CNTNAP5: variants seen among roughly 807,000 people sequenced by gnomAD.
CNTNAP5 encodes the protein contactin-associated protein-like 5.
In CNTNAP5, 72 loss-of-function variants were observed where a neutral mutation model predicts 150.2. The ratio of observed to expected loss-of-function variants is 0.48; its 90% confidence interval spans 0.40 to 0.58. The LOEUF (loss-of-function observed/expected upper bound fraction) is 0.58, where lower values mean the gene tolerates loss of function less well. Ranked by LOEUF, CNTNAP5 falls within the 20% of genes least tolerant of loss-of-function variation. The pLI, the probability that CNTNAP5 is intolerant of heterozygous loss-of-function variation, is 0.00. For missense variants in CNTNAP5, 1,636 were observed against 1,626.2 expected, an observed-to-expected ratio of 1.01 and a Z score of -0.10; for synonymous variants, 672 against 619.8, an observed-to-expected ratio of 1.08 and a Z score of -1.25.
chr2:124,806,243 TAGG>T (rs1272816237), intron 19 of CNTNAP5, among the ~76,000 whole-genome samples: 2 of 152,144 alleles, frequency 1.3e-5, no homozygotes, highest in Admixed American at 6.5e-5. Flanking sequence ...TTGAATCTAG[TAGG>T]AGGAGAAGTT....
chr2:124,393,505 G>C (rs1360620296), intron 3 of CNTNAP5, among the ~76,000 whole-genome samples: 1 of 152,164 alleles, frequency 6.6e-6, no homozygotes, highest in East Asian at 1.9e-4. Context: ...CACACAGAAA[G>C]CTTTATACTG....
intron 8 of CNTNAP5, among the ~76,000 whole-genome samples, chr2:124,523,679 T>C (rs1266553613): frequency 6.6e-6 from 1 of 152,134 alleles, no homozygotes; most frequent in African/African-American, 2.4e-5. Context: ...GGAATAGGAA[T>C]CATAATATTT....
Position 124,798,195 on chromosome 2 carries a change from A to T in CNTNAP5, c.3092A>T (p.Tyr1031Phe), listed in dbSNP as rs1463512974. The T allele has an allele frequency of 1.2e-6, 2 of 1,613,678 alleles. No individual in the cohort carries two copies. Among genetic ancestry groups the T allele is most frequent in the African/African-American group, 2.7e-5 (2 of 74,920 alleles). The change falls in exon 19 of 24, where the codon TAC (tyrosine) becomes TTC (phenylalanine). Residue 1031 changes from tyrosine to phenylalanine, a missense_variant. Transcript: ENST00000682447. ...KNISLSSSAI[Y>F]TDSAPSKENI... ...ATAAGCCTCTCATCCTCAGCTATTT[A>T]CACAGATTCAGCTCCATCCAAGGAA... is the stretch of plus-strand genomic sequence containing the variant.
At chr2:124,836,793 G>C (rs562162726) in intron 19 of CNTNAP5, among the ~76,000 whole-genome samples, 7 of 152,034 alleles carry the variant, frequency 4.6e-5, no homozygotes. Context: ...CTCTTGCCCA[G>C]AGAGGTCATA....
At chr2:124,607,436 C>T (rs1558702315) in intron 11 of CNTNAP5, among the ~76,000 whole-genome samples, 1 of 152,128 alleles carries the variant, frequency 6.6e-6, no homozygotes, top group Admixed American at 6.5e-5. Context: ...AGATGGAAGT[C>T]ACTGTTGTTT....
chr2:124,656,860 C>T (rs182100587), intron 13 of CNTNAP5, among the ~76,000 whole-genome samples: 24 of 152,244 alleles, frequency 1.6e-4, no homozygotes, highest in South Asian at 4.1e-4. Flanking sequence ...TATTAAGATA[C>T]GGTACAGTGG....
intron 3 of CNTNAP5, among the ~76,000 whole-genome samples, chr2:124,275,573 A>T (rs1464377493): frequency 1.3e-5 from 2 of 152,092 alleles, no homozygotes; most frequent in East Asian, 3.9e-4. Context: ...TTGATGCCTC[A>T]TATTGACATC....
intron 13 of CNTNAP5, among the ~76,000 whole-genome samples, chr2:124,699,161 G>A (rs921527148): frequency 1.3e-5 from 2 of 152,162 alleles, no homozygotes; most frequent in African/African-American, 4.8e-5. Flanking sequence ...AAGCAGCTGT[G>A]CTTTCTGCCT....
chr2:124,484,257 T>G (rs1693820966), intron 7 of CNTNAP5, among the ~76,000 whole-genome samples: 1 of 152,234 alleles, frequency 6.6e-6, no homozygotes, highest in African/African-American at 2.4e-5. Context: ...ACAAACTTTA[T>G]TCTAGTCTAT....
chr2:124,200,279 T>G (rs1218525029), intron 1 of CNTNAP5, among the ~76,000 whole-genome samples: 1 of 152,232 alleles, frequency 6.6e-6, no homozygotes, highest in Non-Finnish European at 1.5e-5. Context: ...CGAAGCCATG[T>G]TTTTTCATAT....
chr2:124,262,236 C>T (rs1416937004), intron 3 of CNTNAP5, among the ~76,000 whole-genome samples: 1 of 151,940 alleles, frequency 6.6e-6, no homozygotes, highest in Non-Finnish European at 1.5e-5. Context: ...CAGACTGGGA[C>T]CCTGTCTCAA....
At chr2:124,345,369 A>G (rs1383753827) in intron 3 of CNTNAP5, among the ~76,000 whole-genome samples, 2 of 152,090 alleles carry the variant, frequency 1.3e-5, no homozygotes, top group East Asian at 3.9e-4. Flanking sequence ...ATTTTCCTCT[A>G]TTACTGTGAC....
At chr2:124,293,800 A>C (rs1283960739) in intron 3 of CNTNAP5, among the ~76,000 whole-genome samples, 1 of 152,058 alleles carries the variant, frequency 6.6e-6, no homozygotes, top group Non-Finnish European at 1.5e-5. Flanking sequence ...CGAGGACAGC[A>C]AACACAGAGA....
chr2:124,412,588 T>C (rs1691800887), intron 3 of CNTNAP5, among the ~76,000 whole-genome samples: 4 of 150,758 alleles, frequency 2.7e-5, no homozygotes, highest in Non-Finnish European at 4.4e-5. Context: ...TATCTACAAC[T>C]ATCTGATCTT....
chr2:124,855,109 A>G (rs1265575830), intron 19 of CNTNAP5, among the ~76,000 whole-genome samples: 1 of 151,330 alleles, frequency 6.6e-6, no homozygotes, highest in African/African-American at 2.4e-5. Context: ...AAGGACATTG[A>G]ATGTCATGGT....
chr2:124,211,700 G>C (rs1686017621), intron 1 of CNTNAP5, among the ~76,000 whole-genome samples: 1 of 152,132 alleles, frequency 6.6e-6, no homozygotes, highest in African/African-American at 2.4e-5. Context: ...TGACCCCATT[G>C]GTTGTGCTAT....
At chr2:124,414,028 T>C (rs1691851057) in intron 3 of CNTNAP5, among the ~76,000 whole-genome samples, 1 of 151,782 alleles carries the variant, frequency 6.6e-6, no homozygotes. Flanking sequence ...TATGTCAAAG[T>C]GCCATATTTT....
At chr2:124,180,623 G>A (rs1685185811) in intron 1 of CNTNAP5, among the ~76,000 whole-genome samples, 2 of 152,088 alleles carry the variant, frequency 1.3e-5, no homozygotes, top group South Asian at 4.1e-4. Flanking sequence ...ATAAATTCAA[G>A]ATGAGTTTTA....
At chr2:124,146,582 A>T (rs373110156) in intron 1 of CNTNAP5, among the ~76,000 whole-genome samples, 5 of 152,216 alleles carry the variant, frequency 3.3e-5, no homozygotes, top group East Asian at 3.9e-4. Context: ...AATTTATATT[A>T]TATGTGGGGA....
Sources: allele counts gnomAD v4.1 joint callset (sites outside exome capture counted in the v4.1 genomes callset), GRCh38; gene constraint gnomAD v4.1.1; transcripts MANE v1.5; gene names NCBI Gene and HGNC (gene_info 2026-07-23, HGNC 2026-07-21).